AOX1: variants seen among roughly 807,000 people sequenced by gnomAD.
The protein encoded by AOX1 is aldehyde oxidase.
In AOX1, 153 loss-of-function variants were observed where a neutral mutation model predicts 169.5. The ratio of observed to expected loss-of-function variants is 0.90; its 90% CI spans 0.79 to 1.03. The LOEUF (loss-of-function observed/expected upper bound fraction) is 1.03. AOX1 is among the 50% of genes least tolerant of loss of function. The pLI, the probability that AOX1 is intolerant of heterozygous loss-of-function variation, is 0.00. For synonymous variants in AOX1, 562 were observed against 581.9 expected (o/e 0.97, Z 0.49); for missense variants, 1,656 against 1,663.9 (o/e 1.00, Z 0.08).
intron 16 of AOX1, among the ~76,000 whole-genome samples, chr2:200,618,707 G>A (rs950233463): frequency 1.1e-4 from 16 of 152,230 alleles, no homozygotes; most frequent in African/African-American, 3.9e-4. Flanking sequence ...TGAGTGGGGA[G>A]CACTCTTCTC....
intron 26 of AOX1, among the ~76,000 whole-genome samples, chr2:200,653,809 CTT>C (rs548279243): frequency 2.6e-5 from 4 of 152,358 alleles, no homozygotes; most frequent in African/African-American, 9.6e-5. Flanking sequence ...TGTGCTCACT[CTT>C]TGTCACCTTT....
intron 1 of AOX1, among the ~76,000 whole-genome samples, chr2:200,591,287 A>G (rs975370765): frequency 6.6e-6 from 1 of 152,238 alleles, no homozygotes; most frequent in African/African-American, 2.4e-5. Context: ...AAAGTGTCAT[A>G]AAAGAAGAGG....
exon 5 of AOX1, chr2:200,676,882 C>T (rs1258573044): frequency 8.5e-6 from 4 of 470,226 alleles, no homozygotes; most frequent in Non-Finnish European, 1.3e-5. Context: ...TTCCAGGGAG[C>T]ACATGGCAAG....
intron 15 of AOX1, 32 bp downstream of exon 15, chr2:200,613,998 G>A: frequency 6.2e-7 from 1 of 1,600,714 alleles, no homozygotes; most frequent in Non-Finnish European, 8.5e-7. Flanking sequence ...AACTTCCCCA[G>A]TACTGGGAGC....
Position 200,662,980 on chromosome 2 carries a change from G to C in AOX1, c.3543+11G>C. 1 of 1,609,270 alleles carries C rather than the reference G, an allele frequency of 6.2e-7. No homozygotes were observed. The highest frequency in any genetic ancestry group is 1.1e-5 in the South Asian group (1 of 90,972). On this transcript the variant is annotated intron_variant, in intron 31 of 34. Coordinates refer to ENST00000374700, the MANE Select transcript of AOX1 (RefSeq NM_001159.4). The stretch of plus-strand genomic sequence containing the variant: ...ACGGGGGATCATAAGGTCAGTACCG[G>C]TTGGAAAGGTCTTCAAGTTGCACTT...
At chr2:200,611,582 G>T (rs2034642759) in intron 13 of AOX1, 89 bp downstream of exon 13, 1 of 883,692 alleles carries the variant, frequency 1.1e-6, no homozygotes, top group Admixed American at 1.9e-5. Context: ...GAAAAAGGGT[G>T]AAGTGTTTAT....
At chr2:200,609,957 G>C (rs1056047564) in intron 12 of AOX1, among the ~76,000 whole-genome samples, 1 of 151,764 alleles carries the variant, frequency 6.6e-6, no homozygotes, top group Non-Finnish European at 1.5e-5. Context: ...TTATTAGGAA[G>C]TTCTAATTGG....
chr2:200,668,465 A>G (rs2035964602), intron 32 of AOX1, 150 bp from the exon 33 acceptor site: 1 of 702,066 alleles, frequency 1.4e-6, no homozygotes, highest in Non-Finnish European at 2.3e-6. Flanking sequence ...TGGCTTTTAG[A>G]TAAACTTTCA....
intron 25 of AOX1, among the ~76,000 whole-genome samples, chr2:200,643,857 G>GT (rs1251706473): frequency 6.6e-6 from 1 of 152,060 alleles, no homozygotes; most frequent in African/African-American, 2.4e-5. Context: ...TCTATATCTT[G>GT]TTTTGTGAAT....
intron 16 of AOX1, among the ~76,000 whole-genome samples, chr2:200,618,965 G>C (rs2034825595): frequency 2.6e-5 from 4 of 152,186 alleles, no homozygotes; most frequent in Admixed American, 6.5e-5. Context: ...GGCAGACTTT[G>C]AAACAGGAAA....
chr2:200,640,276 G>C lies in AOX1; in HGVS notation c.2569-822G>C, dbSNP rs74397082. ...GTCCCAGAGTGGGAAGTTTAAACTT[G>C]ATCTTAAAAGAAACAGTGAGACTGA... On this transcript the variant is annotated intron_variant, in intron 23 of 34. Transcript: ENST00000374700. Among the ~76,000 whole-genome samples, 30 of 152,212 alleles carry C rather than the reference G, an allele frequency of 2.0e-4. No individual in the cohort carries two copies. The East Asian group carries it at 5.8e-3, about 29-fold the overall frequency.
downstream of AOX1, among the ~76,000 whole-genome samples, chr2:200,676,357 T>C (rs1344163083): frequency 2.0e-5 from 3 of 152,082 alleles, no homozygotes; most frequent in Non-Finnish European, 4.4e-5. Flanking sequence ...CCCAACACTT[T>C]GGGAGGCCGA....
At chr2:200,634,982 C>A in intron 21 of AOX1, 67 bp downstream of exon 21, 1 of 1,575,440 alleles carries the variant, frequency 6.3e-7, no homozygotes. Context: ...ATATCAAGAG[C>A]AATTAGAGGT....
intron 12 of AOX1, among the ~76,000 whole-genome samples, chr2:200,609,826 A>G (rs10206891): frequency 0.75 from 113,849 of 152,126 alleles, 42,736 homozygotes; most frequent in East Asian, 0.81. Context: ...TGATGGAAAC[A>G]TACAGGTCTT....
At chr2:200,599,832 T>G in intron 5 of AOX1, 86 bp downstream of exon 5, 480 of 1,031,474 alleles carry the variant, frequency 4.7e-4, no homozygotes, top group Non-Finnish European at 5.4e-4. Flanking sequence ...TTGCCCGGGC[T>G]GGAGGGCGGC....
In AOX1 at chr2:200,627,359, A is replaced by G. The variant is rs2035026857; in HGVS notation, c.2131A>G (p.Ile711Val). ...EPLILTIEES[I>V]QHNSSFKPER... is the part of the protein sequence containing the mutation. ...TCCTCTGTTCTCTTTCTAGGAAAGT[A>G]TACAACACAACTCCTCCTTCAAGCC... The change falls in exon 20 of 35, where the codon ATA becomes GTA. Residue 711 changes from isoleucine to valine, a missense_variant. Ile to Val is a conservative substitution (Grantham distance 29, BLOSUM62 3). Coordinates refer to ENST00000374700, the MANE Select transcript of AOX1 (RefSeq NM_001159.4). The G allele has an allele frequency of 6.2e-7, 1 of 1,612,700 alleles. No homozygotes were observed. Among genetic ancestry groups the G allele is most frequent in the Non-Finnish European group, 8.5e-7 (1 of 1,178,724 alleles).
At chr2:200,660,994 G>A (rs997218117) in intron 29 of AOX1, among the ~76,000 whole-genome samples, 5 of 152,216 alleles carry the variant, frequency 3.3e-5, no homozygotes, top group African/African-American at 7.2e-5. Flanking sequence ...CACTTTCTTC[G>A]CTAATGATTG....
At chr2:200,647,939 T>G (rs559640983) in intron 25 of AOX1, among the ~76,000 whole-genome samples, 1 of 123,726 alleles carries the variant, frequency 8.1e-6, no homozygotes, top group African/African-American at 3.5e-5. Context: ...CTGAATTTTT[T>G]TATTGTTTTT....
intron 1 of AOX1, among the ~76,000 whole-genome samples, chr2:200,589,955 A>G (rs1276183670): frequency 1.3e-5 from 2 of 152,210 alleles, no homozygotes; most frequent in South Asian, 2.1e-4. Flanking sequence ...AACAAGCAAA[A>G]TGAATTTTAA....
Sources: gnomAD v4.1 joint callset for allele counts (sites outside exome capture counted in the v4.1 genomes callset) on GRCh38, gnomAD v4.1.1 for gene constraint, MANE v1.5 for transcripts, NCBI Gene and HGNC (gene_info 2026-07-23, HGNC 2026-07-21) for gene names.